Variants in CAMKK2 observed in about 807,000 individuals in gnomAD.
CAMKK2 encodes the protein calcium/calmodulin dependent protein kinase kinase 2.
Under a neutral mutation model 67.2 loss-of-function variants are expected in CAMKK2, and 30 were observed. That is an observed-to-expected ratio of 0.45 (90% CI 0.33 to 0.61). The LOEUF is 0.61. Among genes scored for constraint, CAMKK2 ranks in the 20% least tolerant of loss-of-function variants. The pLI, the probability that CAMKK2 is intolerant of heterozygous loss-of-function variation, is 0.02. For missense variants in CAMKK2, 643 were observed against 802.0 expected (o/e 0.80, Z 2.39); for synonymous variants, 322 against 326.2 (o/e 0.99, Z 0.14).
At position 121,238,650 on chromosome 12, in the gene CAMKK2, AATCTT is replaced by A. The variant is rs1339484410; in HGVS notation, c.*2044_*2048del. On this transcript the variant is annotated 3_prime_UTR_variant, in exon 17 of 17. Transcript: ENST00000404169. ...CTGATTGCTGGCATTCCCTGGAAGA[AATCTT>A]AGATGGAAGGTTCCGTGGTGGGGAG... The A allele has an allele frequency of 6.6e-6, 1 of 152,660 alleles. No individual in the cohort carries two copies. Among genetic ancestry groups the A allele is most frequent in the Non-Finnish European group, 1.5e-5 (1 of 68,086 alleles). 9.5% of individuals were successfully genotyped at this position (152,660 alleles called of 1,614,324 possible).
chr12:121,287,863 G>A (rs1323177110), intron 1 of CAMKK2, among the ~76,000 whole-genome samples: 7 of 152,130 alleles, frequency 4.6e-5, no homozygotes, highest in Admixed American at 1.3e-4. Context: ...TCCCAGCTCC[G>A]TCAGAGGCTG....
chr12:121,241,253 T>G (rs1325921677), intron 16 of CAMKK2, among the ~76,000 whole-genome samples: 1 of 152,178 alleles, frequency 6.6e-6, no homozygotes, highest in Non-Finnish European at 1.5e-5. Context: ...CTATGAGCCC[T>G]TACAGGGAAG....
rs1363654917 is a variant in CAMKK2 at position 121,242,599 on chromosome 12, G to A, written c.1597-1730C>T. 7.2e-5 allele frequency among the ~76,000 whole-genome samples: 11 copies of A among 152,186 alleles called. No individual in the cohort carries two copies. In the South Asian group the frequency reaches 1.2e-3, roughly 17 times the overall value. On this transcript the variant is annotated intron_variant, in intron 16 of 16. Transcript: ENST00000404169. ...TGCCTTCTGAGACTGCTGAAGACCGGTTCTGAAGGACTGCCATTTTCCCTG... is the reference window on the plus strand; with the variant it reads ...TGCCTTCTGAGACTGCTGAAGACCGATTCTGAAGGACTGCCATTTTCCCTG...
chr12:121,257,094 T>C (rs930689724), intron 7 of CAMKK2, among the ~76,000 whole-genome samples: 7 of 151,768 alleles, frequency 4.6e-5, no homozygotes, highest in African/African-American at 1.7e-4. Flanking sequence ...TGTTCTGGAA[T>C]CATACACCCA....
chr12:121,266,583 G>C (rs1472680419), intron 5 of CAMKK2, among the ~76,000 whole-genome samples: 1 of 149,456 alleles, frequency 6.7e-6, no homozygotes, highest in Non-Finnish European at 1.5e-5. Flanking sequence ...TGTAACCTCT[G>C]CTTCCCAGGT....
At chr12:121,269,432 A>T in intron 4 of CAMKK2, 96 bp downstream of exon 4, 1 of 935,548 alleles carries the variant, frequency 1.1e-6, no homozygotes, top group East Asian at 2.6e-5. Context: ...ATAAAATGAG[A>T]CAACAGCTAG....
At chr12:121,284,238 T>C (rs1357629660) in intron 1 of CAMKK2, among the ~76,000 whole-genome samples, 2 of 152,252 alleles carry the variant, frequency 1.3e-5, no homozygotes, top group East Asian at 1.9e-4. Flanking sequence ...TTCAGAAGGA[T>C]TTACTGATTT....
At chr12:121,277,657 C>T (rs1417296733) in intron 1 of CAMKK2, among the ~76,000 whole-genome samples, 1 of 152,180 alleles carries the variant, frequency 6.6e-6, no homozygotes, top group African/African-American at 2.4e-5. Flanking sequence ...ATTTCAGTTA[C>T]ATGAAGTATC....
chr12:121,251,464 C>T lies in CAMKK2; in HGVS notation c.1161+1197G>A, dbSNP rs189815028. Among the ~76,000 whole-genome samples, 13 of 152,230 alleles carry T rather than the reference C, an allele frequency of 8.5e-5. No individual in the cohort carries two copies. The East Asian group carries it at 1.2e-3, about 14-fold the overall frequency. On this transcript the variant is annotated intron_variant, in intron 11 of 16. Transcript: ENST00000404169. ...TCTTAGGCTTTCCTCAATAAGAACA[C>T]AAGCTCAGGAAAGGGAAAAATCTAC...
In CAMKK2 at chr12:121,249,990, G is replaced by T. The variant is rs1890343807; in HGVS notation, c.1206C>A (p.Ile402=). The T allele has an allele frequency of 6.2e-7, 1 of 1,613,974 alleles. No individual in the cohort carries two copies. Among genetic ancestry groups the T allele is most frequent in the African/African-American group, 1.3e-5 (1 of 74,910 alleles). ...DERIMCLHSK[I]KSQALEFPDQ... is the part of the protein sequence containing the mutation. Reference sequence around the variant, plus strand: ...CTGGAAATTCCAGGGCCTGACTCTTGATCTTACTGTGTAAACACATGATCC... The same window carrying T: ...CTGGAAATTCCAGGGCCTGACTCTTTATCTTACTGTGTAAACACATGATCC... The change falls in exon 12 of 17, where the codon ATC becomes ATA. Residue 402 remains isoleucine, a synonymous_variant. Transcript: ENST00000404169.
intron 1 of CAMKK2, among the ~76,000 whole-genome samples, chr12:121,288,536 T>C (rs1427011453): frequency 6.6e-6 from 1 of 152,064 alleles, no homozygotes; most frequent in East Asian, 1.9e-4. Flanking sequence ...AAAGCACATT[T>C]CAAAAATGAA....
chr12:121,239,348 A>G lies in CAMKK2; in HGVS notation c.*1351T>C, dbSNP rs1183106743. 6.6e-6 allele frequency: 1 copy of G among 152,222 alleles called. No homozygotes were observed. The highest frequency in any genetic ancestry group is 6.5e-5 in the Admixed American group (1 of 15,280). The allele number at this position is 152,222 out of a possible 1,614,324, so 9.4% of individuals were successfully genotyped here. A position where few individuals can be genotyped will look rare whatever the true frequency, so the allele number is the denominator to read the frequency against. ...GTGGCTCTGGAAGGAGTCACACTTG[A>G]ACCTCAACCAAACTTCCCAATATCA... On this transcript the variant is annotated 3_prime_UTR_variant, in exon 17 of 17. Coordinates refer to ENST00000404169, the MANE Select transcript of CAMKK2 (RefSeq NM_001270485.2).
chr12:121,244,227 C>CG (rs1272024397), intron 16 of CAMKK2: 50 of 1,317,458 alleles, frequency 3.8e-5, no homozygotes, highest in East Asian at 9.8e-5. Context: ...CATGCGGACT[C>CG]GGGGGGGCAC....
chr12:121,252,844 G>A (rs1891055693), intron 10 of CAMKK2, 130 bp from the exon 11 acceptor site: 1 of 839,816 alleles, frequency 1.2e-6, no homozygotes, highest in African/African-American at 1.7e-5. Context: ...TTGTCTCCTA[G>A]GCTCTGGGGC....
chr12:121,281,493 C>A (rs747181286), intron 1 of CAMKK2, among the ~76,000 whole-genome samples: 3 of 152,220 alleles, frequency 2.0e-5, no homozygotes, highest in Non-Finnish European at 2.9e-5. Context: ...AAACTGAGGC[C>A]CACAGAGGTC....
At chr12:121,258,011 C>T (rs1482026691) in intron 7 of CAMKK2, among the ~76,000 whole-genome samples, 1 of 144,780 alleles carries the variant, frequency 6.9e-6, no homozygotes, top group Non-Finnish European at 1.5e-5. Context: ...AAATAGAGAT[C>T]GAGTTTTCTA....
chr12:121,292,139 C>A (rs1481895868), intron 1 of CAMKK2, among the ~76,000 whole-genome samples: 1 of 148,724 alleles, frequency 6.7e-6, no homozygotes, highest in Non-Finnish European at 1.5e-5. Context: ...TTTTTTTTTT[C>A]TTTTGAGAAG....
Position 121,274,279 on chromosome 12 carries a change from AG to A in CAMKK2, c.247del (p.Asp84ThrfsTer34). ...CCGGGCCTGGGACCCGGAGGTGTCA[AG>A]GGGGACCTCTTGGCCATCGGCCTCC... ...PLEADGQEVP[L>X]DTSGSQARPH... is the part of the protein sequence containing the mutation. On this transcript the variant is annotated frameshift_variant, in exon 2 of 17. Transcript: ENST00000404169. LOFTEE classifies it high-confidence loss of function. 6.2e-7 allele frequency: 1 copy of A among 1,612,328 alleles called. No individual in the cohort carries two copies. The highest frequency in any genetic ancestry group is 1.1e-5 in the South Asian group (1 of 91,044).
intron 5 of CAMKK2, among the ~76,000 whole-genome samples, 170 bp downstream of exon 5, chr12:121,268,468 C>T (rs568982084): frequency 1.8e-4 from 27 of 152,198 alleles, no homozygotes; most frequent in African/African-American, 5.8e-4. Context: ...GATCTTGGCT[C>T]ACTGCAAACT....
Sources: gnomAD v4.1 joint callset for allele counts (sites outside exome capture counted in the v4.1 genomes callset) on GRCh38, gnomAD v4.1.1 for gene constraint, MANE v1.5 for transcripts, NCBI Gene and HGNC (gene_info 2026-07-23, HGNC 2026-07-21) for gene names.